ARSK: variants seen among roughly 807,000 people sequenced by gnomAD.
ARSK encodes the protein arylsulfatase family member K.
ARSK carries 37 observed loss-of-function variants against 53.2 expected under a neutral mutation model. The observed-to-expected ratio is 0.70, with a 90% confidence interval of 0.54 to 0.92. The LOEUF (loss-of-function observed/expected upper bound fraction) is 0.92, where lower values mean the gene tolerates loss of function less well. Among genes scored for constraint, ARSK ranks in the 40% least tolerant of loss-of-function variants. The pLI, the probability that ARSK is intolerant of heterozygous loss-of-function variation, is 0.00. For synonymous variants in ARSK, 208 were observed against 223.2 expected (o/e 0.93, Z 0.61); for missense variants, 613 against 643.0 (o/e 0.95, Z 0.51).
chr5:95,599,415 C>G (rs959257586), intron 6 of ARSK, among the ~76,000 whole-genome samples: 2 of 151,992 alleles, frequency 1.3e-5, no homozygotes, highest in African/African-American at 4.8e-5. Context: ...TCTTCCCATG[C>G]CTTGCTGGTG....
chr5:95,598,377 A>G (rs1749346570), intron 6 of ARSK, among the ~76,000 whole-genome samples: 2 of 152,246 alleles, frequency 1.3e-5, no homozygotes, highest in Admixed American at 1.3e-4. Context: ...ATTGATAAAT[A>G]TATGAAAAAT....
chr5:95,598,627 G>C (rs1390257392), intron 6 of ARSK, among the ~76,000 whole-genome samples: 2 of 152,104 alleles, frequency 1.3e-5, no homozygotes, highest in Non-Finnish European at 1.5e-5. Flanking sequence ...GTTAGTGTCA[G>C]ACTGTCACAC....
At chr5:95,561,144 C>T (rs1344438964) in intron 1 of ARSK, among the ~76,000 whole-genome samples, 1 of 152,058 alleles carries the variant, frequency 6.6e-6, no homozygotes, top group Non-Finnish European at 1.5e-5. Flanking sequence ...ATAGAAGATA[C>T]GCAGATGACA....
At chr5:95,556,210 T>A in intron 1 of ARSK, 1 of 702,406 alleles carries the variant, frequency 1.4e-6, no homozygotes, top group Non-Finnish European at 2.6e-6. Flanking sequence ...TCTCGTAGAT[T>A]CCTGATGATT....
At chr5:95,571,854 T>C (rs1283259687) in intron 3 of ARSK, among the ~76,000 whole-genome samples, 1 of 152,226 alleles carries the variant, frequency 6.6e-6, no homozygotes, top group Non-Finnish European at 1.5e-5. Context: ...ATATAGCACA[T>C]TACTTTTCAG....
At position 95,555,273 on chromosome 5, in the gene ARSK, C is replaced by T; in HGVS notation, c.-6C>T. ...CGGCGGCAGGCTCTCAGAACCGCTA[C>T]CGGCGATGCTACTGCTGTGGGTGTC... On this transcript the variant is annotated 5_prime_UTR_variant, in exon 1 of 8. Transcript: ENST00000380009. The surrounding 1 kb of genome is among the most constrained non-coding windows in gnomAD (Gnocchi z 4.0). The T allele has an allele frequency of 6.3e-7, 1 of 1,593,918 alleles. No individual in the cohort carries two copies. Among genetic ancestry groups the T allele is most frequent in the Non-Finnish European group, 8.5e-7 (1 of 1,175,584 alleles).
chr5:95,568,072 C>A (rs763547307), intron 3 of ARSK, 23 bp downstream of exon 3: 9 of 1,609,294 alleles, frequency 5.6e-6, no homozygotes, highest in Non-Finnish European at 7.6e-6. Context: ...CAAAAATAAT[C>A]ATCATGGACT....
At chr5:95,592,122 G>A (rs1749228075) in intron 6 of ARSK, among the ~76,000 whole-genome samples, 1 of 152,204 alleles carries the variant, frequency 6.6e-6, no homozygotes, top group Non-Finnish European at 1.5e-5. Context: ...GATAAGGGTA[G>A]TTAGCAGTTT....
chr5:95,565,367 G>T (rs1184962894), intron 1 of ARSK, among the ~76,000 whole-genome samples: 1 of 152,130 alleles, frequency 6.6e-6, no homozygotes, highest in Non-Finnish European at 1.5e-5. Context: ...ATAGGCATGA[G>T]CCACCACACC....
chr5:95,581,049 T>G (rs951722023), intron 3 of ARSK: 1 of 548,180 alleles, frequency 1.8e-6, no homozygotes, highest in African/African-American at 2.0e-5. Flanking sequence ...ATGGGAATCA[T>G]GCTAAAGCCA....
intron 3 of ARSK, among the ~76,000 whole-genome samples, chr5:95,581,658 A>G (rs1749021691): frequency 6.6e-6 from 1 of 152,180 alleles, no homozygotes; most frequent in African/African-American, 2.4e-5. Flanking sequence ...TCTGAGTTCT[A>G]CCACACATAC....
At chr5:95,589,863 C>T (rs932970662) in intron 5 of ARSK, among the ~76,000 whole-genome samples, 2 of 152,280 alleles carry the variant, frequency 1.3e-5, no homozygotes, top group Non-Finnish European at 2.9e-5. Flanking sequence ...CACTGTCTTC[C>T]ACAATGGCTG....
chr5:95,603,141 A>T (rs1749431998), intron 7 of ARSK, 96 bp from the exon 8 acceptor site: 2 of 724,280 alleles, frequency 2.8e-6, no homozygotes, highest in South Asian at 3.3e-5. Context: ...CTGAAAATCT[A>T]AAAAAAAAAT....
chr5:95,558,831 G>C (rs2112408237), intron 1 of ARSK, among the ~76,000 whole-genome samples: 1 of 152,236 alleles, frequency 6.6e-6, no homozygotes, highest in Non-Finnish European at 1.5e-5. Flanking sequence ...AATTAGGAGA[G>C]AACACTTCCA....
chr5:95,570,623 A>T (rs1238470552), intron 3 of ARSK, among the ~76,000 whole-genome samples: 2 of 152,172 alleles, frequency 1.3e-5, no homozygotes, highest in Non-Finnish European at 2.9e-5. Flanking sequence ...TCATTGGATG[A>T]CTGTGTTTTA....
chr5:95,558,056 G>A (rs1414459895), intron 1 of ARSK, among the ~76,000 whole-genome samples: 2 of 152,106 alleles, frequency 1.3e-5, no homozygotes, highest in Non-Finnish European at 2.9e-5. Context: ...ACTCCCCCTC[G>A]GCTCCCAATC....
rs775348692 is a variant in ARSK at position 95,586,563 on chromosome 5, T to C, written c.701T>C (p.Val234Ala). 1 of 1,607,376 alleles carries C rather than the reference T, an allele frequency of 6.2e-7. No individual in the cohort carries two copies. Among genetic ancestry groups the C allele is most frequent in the Non-Finnish European group, 8.5e-7 (1 of 1,178,096 alleles). ...CTAAGTTTTTTCTCCCCTTTTTAGG[T>C]GTCTCATGATGCCATCAAAATCCCA... ...FHTSLYWLEKVSHDAIKIPKW... is the reference protein window; with the variant it reads ...FHTSLYWLEKASHDAIKIPKW... Residue 234 changes from valine to alanine, a missense_variant and splice_region_variant, in exon 5 of 8, where the codon GTG becomes GCG. Coordinates refer to ENST00000380009, the MANE Select transcript of ARSK (RefSeq NM_198150.3).
At chr5:95,571,406 T>C (rs1345859455) in intron 3 of ARSK, among the ~76,000 whole-genome samples, 2 of 152,340 alleles carry the variant, frequency 1.3e-5, no homozygotes, top group African/African-American at 2.4e-5. Context: ...AATTAAATTT[T>C]TGATGAATGA....
intron 3 of ARSK, among the ~76,000 whole-genome samples, chr5:95,582,676 A>T (rs1363605322): frequency 6.6e-6 from 1 of 152,194 alleles, no homozygotes; most frequent in African/African-American, 2.4e-5. Flanking sequence ...ACTGTTCTAC[A>T]TAATCTTTCA....
Sources: allele counts gnomAD v4.1 joint callset (sites outside exome capture counted in the v4.1 genomes callset), GRCh38; gene constraint gnomAD v4.1.1; non-coding constraint Gnocchi (gnomAD v3.1); transcripts MANE v1.5; gene names NCBI Gene and HGNC (gene_info 2026-07-23, HGNC 2026-07-21).